GAS2L3: variants seen among roughly 807,000 people sequenced by gnomAD.
GAS2L3 encodes the protein GAS2-like protein 3.
In GAS2L3, 28 loss-of-function variants were observed where a neutral mutation model predicts 37.0. That is an observed-to-expected ratio of 0.76 (90% confidence interval 0.56 to 1.04). The LOEUF is 1.04. Among genes scored for constraint, GAS2L3 ranks in the 50% least tolerant of loss-of-function variants. The pLI is 0.00. For missense variants in GAS2L3, 793 were observed against 817.6 expected, an observed-to-expected ratio of 0.97 and a Z score of 0.37; for synonymous variants, 290 against 296.6, an observed-to-expected ratio of 0.98 and a Z score of 0.23.
At chr12:100,586,273 T>C (rs1304888573) in intron 1 of GAS2L3, among the ~76,000 whole-genome samples, 1 of 152,296 alleles carries the variant, frequency 6.6e-6, no homozygotes, top group African/African-American at 2.4e-5. Context: ...GCAGACAGAA[T>C]ACACATTCTG....
chr12:100,604,952 G>T (rs1956038651), intron 5 of GAS2L3, among the ~76,000 whole-genome samples: 2 of 151,982 alleles, frequency 1.3e-5, no homozygotes, highest in Non-Finnish European at 1.5e-5. Flanking sequence ...AATCCCAGTT[G>T]GTCATGATGA....
chr12:100,594,537 G>A (rs1186561254), intron 2 of GAS2L3, among the ~76,000 whole-genome samples: 1 of 151,916 alleles, frequency 6.6e-6, no homozygotes, highest in African/African-American at 2.4e-5. Context: ...TATATTCACA[G>A]GGGAAAATAA....
At chr12:100,590,145 GA>G (rs1413034457) in intron 1 of GAS2L3, among the ~76,000 whole-genome samples, 1 of 152,176 alleles carries the variant, frequency 6.6e-6, no homozygotes, top group African/African-American at 2.4e-5. Flanking sequence ...CAGAGTGGGA[GA>G]AAATTTTCAT....
At chr12:100,617,915 AC>A in intron 7 of GAS2L3, 108 bp downstream of exon 7, 1 of 651,164 alleles carries the variant, frequency 1.5e-6, no homozygotes, top group South Asian at 2.0e-5. Context: ...CTTTAAATGA[AC>A]TATTTTCCTG....
intron 6 of GAS2L3, among the ~76,000 whole-genome samples, chr12:100,616,915 G>A (rs1177414958): frequency 1.3e-5 from 2 of 151,974 alleles, no homozygotes; most frequent in African/African-American, 2.4e-5. Flanking sequence ...GGGGAGACTT[G>A]CAGTCTTTTA....
chr12:100,593,280 A>G (rs778168011), intron 2 of GAS2L3, among the ~76,000 whole-genome samples: 1 of 152,132 alleles, frequency 6.6e-6, no homozygotes, highest in Non-Finnish European at 1.5e-5. Flanking sequence ...ACTTCTCTGC[A>G]TACTATTTTT....
At chr12:100,608,306 C>A (rs559343315) in intron 5 of GAS2L3, among the ~76,000 whole-genome samples, 230 of 152,314 alleles carry the variant, frequency 1.5e-3, no homozygotes, top group African/African-American at 5.4e-3. Flanking sequence ...GTGGCCACCA[C>A]CACTGAGACT....
rs1956343942 is a variant in GAS2L3, at chr12:100,627,514, G to T, written c.*2624G>T. The T allele has an allele frequency of 1.3e-5, 2 of 152,174 alleles. No homozygotes were observed. 9.4% of individuals were successfully genotyped at this position (152,174 alleles called of 1,614,324 possible). On this transcript the variant is annotated 3_prime_UTR_variant, in exon 10 of 10. Transcript: ENST00000547754. ...GCTGATCTCAAACTCCTGACCTCAG[G>T]TGATCCACCTGCCTCAGCCTCCCAA...
At chr12:100,614,143 A>T (rs1956159364) in intron 6 of GAS2L3, among the ~76,000 whole-genome samples, 1 of 151,978 alleles carries the variant, frequency 6.6e-6, no homozygotes, top group Non-Finnish European at 1.5e-5. Context: ...TTTTTATTTT[A>T]AAAATTGTAT....
intron 3 of GAS2L3, among the ~76,000 whole-genome samples, chr12:100,596,573 CA>C (rs1418153453): frequency 6.6e-6 from 1 of 151,998 alleles, no homozygotes; most frequent in Non-Finnish European, 1.5e-5. Context: ...CTTTCTCTGC[CA>C]ATTATATTAG....
rs995046464 is a variant in GAS2L3 at position 100,626,466 on chromosome 12, G to C, written c.*1576G>C. On this transcript the variant is annotated 3_prime_UTR_variant, in exon 10 of 10. Transcript: ENST00000547754. Reference sequence around the variant, plus strand: ...TAACTCGACTATTGACTTGGGCATTGAGAGAGATGATATATACATCTTTGG... The same window carrying C: ...TAACTCGACTATTGACTTGGGCATTCAGAGAGATGATATATACATCTTTGG... 1 of 152,192 alleles carries C rather than the reference G, an allele frequency of 6.6e-6. No homozygotes were observed. Among genetic ancestry groups the C allele is most frequent in the African/African-American group, 2.4e-5 (1 of 41,460 alleles). The allele number at this position is 152,192 out of a possible 1,614,324, so 9.4% of individuals were successfully genotyped here.
chr12:100,624,173 C>G lies in GAS2L3; in HGVS notation c.1368C>G (p.Pro456=). 2 of 1,613,224 alleles carry G rather than the reference C, an allele frequency of 1.2e-6. No homozygotes were observed. The highest frequency in any genetic ancestry group is 1.1e-5 in the South Asian group (1 of 91,038). ...CAGCCCAGAATTCAGCAGATCTGCCCGAGTCCACACTTTTGCCAAATAAGT... is the reference window on the plus strand; with the variant it reads ...CAGCCCAGAATTCAGCAGATCTGCCGGAGTCCACACTTTTGCCAAATAAGT... ...VIPAQNSADL[P]ESTLLPNKCS... The change falls in exon 10 of 10, where the codon CCC becomes CCG. Residue 456 remains proline (P), a synonymous_variant. Transcript: ENST00000547754.
chr12:100,574,469 A>T (rs1955611209), intron 1 of GAS2L3, among the ~76,000 whole-genome samples: 1 of 152,146 alleles, frequency 6.6e-6, no homozygotes, highest in South Asian at 2.1e-4. Flanking sequence ...CTGGCAAAAG[A>T]AAGGGAAGGC....
intron 8 of GAS2L3, 70 bp from the exon 9 acceptor site, chr12:100,622,204 CA>C: frequency 1.3e-6 from 1 of 783,174 alleles, no homozygotes; most frequent in Non-Finnish European, 2.1e-6. Context: ...CCTTAGCTAT[CA>C]AATAATATTA....
intron 2 of GAS2L3, 43 bp from the exon 3 acceptor site, chr12:100,594,832 C>A: frequency 3.0e-6 from 2 of 674,760 alleles, no homozygotes; most frequent in South Asian, 3.2e-5. Context: ...AGTAGCAAAA[C>A]TGCCACTGTT....
intron 5 of GAS2L3, among the ~76,000 whole-genome samples, chr12:100,603,979 A>C (rs150246237): frequency 1.3e-5 from 2 of 151,888 alleles, no homozygotes; most frequent in Admixed American, 1.3e-4. Flanking sequence ...TTTCTGTTCC[A>C]TTGGTCTGTG....
chr12:100,618,341 A>G (rs1956212798), intron 7 of GAS2L3, 108 bp from the exon 8 acceptor site: 1 of 1,080,606 alleles, frequency 9.3e-7, no homozygotes, highest in Non-Finnish European at 1.3e-6. Flanking sequence ...AACAATTGGT[A>G]GAAGAGGATC....
chr12:100,611,259 T>C (rs1192093142), intron 5 of GAS2L3: 1 of 152,236 alleles, frequency 6.6e-6, no homozygotes, highest in Non-Finnish European at 1.5e-5. Flanking sequence ...GTACTGGGAT[T>C]ACAAGTGAGT....
chr12:100,619,360 A>G (rs371724123), intron 8 of GAS2L3, among the ~76,000 whole-genome samples: 5 of 152,086 alleles, frequency 3.3e-5, no homozygotes, highest in Non-Finnish European at 7.4e-5. Context: ...AATGTGAACA[A>G]TGAAGGTGAA....
Sources: gnomAD v4.1 joint callset for allele counts (sites outside exome capture counted in the v4.1 genomes callset) on GRCh38, gnomAD v4.1.1 for gene constraint, MANE v1.5 for transcripts, NCBI Gene and HGNC (gene_info 2026-07-23, HGNC 2026-07-21) for gene names.